Variants in ZNF205 observed in about 807,000 individuals in gnomAD.
ZNF205 encodes zinc finger protein 205.
Under a neutral mutation model 53.6 loss-of-function variants are expected in ZNF205, and 32 were observed. The observed-to-expected ratio is 0.60, with a 90% confidence interval of 0.45 to 0.80. ZNF205 has a LOEUF of 0.80. Among genes scored for constraint, ZNF205 ranks in the 30% least tolerant of loss-of-function variants. The probability of loss-of-function intolerance (pLI) is 0.00; values close to 1 mark genes in which losing one functional copy is unlikely to be tolerated. For synonymous variants in ZNF205, 382 were observed against 334.3 expected, an observed-to-expected ratio of 1.14 and a Z score of -1.56; for missense variants, 836 against 782.4, an observed-to-expected ratio of 1.07 and a Z score of -0.82.
chr16:3,115,244 C>A, intron 2 of ZNF205, 111 bp from the exon 3 acceptor site: 2 of 834,054 alleles, frequency 2.4e-6, no homozygotes, highest in Non-Finnish European at 3.4e-6. Flanking sequence ...CAAGGACAGT[C>A]CTTCAAGCTG....
In ZNF205 at chr16:3,116,410, G is replaced by A. The variant is rs1957346042; in HGVS notation, c.364-17G>A. ...CCACGTCATGTCCTGGAGAGTGGATGTTTCACATTGTTTCAGATGCCAGTG... is the reference window on the plus strand; with the variant it reads ...CCACGTCATGTCCTGGAGAGTGGATATTTCACATTGTTTCAGATGCCAGTG... On this transcript the variant is annotated splice_polypyrimidine_tract_variant and intron_variant, in intron 4 of 6. Coordinates refer to ENST00000219091, the MANE Select transcript of ZNF205 (RefSeq NM_001042428.2). 6.2e-7 allele frequency: 1 copy of A among 1,613,822 alleles called. No individual in the cohort carries two copies. Among genetic ancestry groups the A allele is most frequent in the Non-Finnish European group, 8.5e-7 (1 of 1,179,964 alleles).
In ZNF205 at chr16:3,112,630, T is replaced by G; in HGVS notation, c.-67T>G. The G allele has an allele frequency of 1.4e-5, 4 of 288,330 alleles. No homozygotes were observed. Among genetic ancestry groups the G allele is most frequent in the Admixed American group, 4.2e-5 (1 of 23,694 alleles). 17.9% of individuals were successfully genotyped at this position (288,330 alleles called of 1,614,324 possible). The stretch of plus-strand genomic sequence containing the variant: ...CCCGTGCAGGCTGTGGAGACTCCCT[T>G]CCCGGGGGAGGGGGCCCCCACTGCC... On this transcript the variant is annotated 5_prime_UTR_variant, in exon 1 of 7. Coordinates refer to ENST00000219091, the MANE Select transcript of ZNF205 (RefSeq NM_001042428.2).
At chr16:3,114,644 G>A (rs1957314713) in intron 2 of ZNF205, among the ~76,000 whole-genome samples, 1 of 152,134 alleles carries the variant, frequency 6.6e-6, no homozygotes, top group Admixed American at 6.5e-5. Flanking sequence ...TTAGTCTCCC[G>A]TGGCTGCTGT....
chr16:3,117,019 C>T (rs1957354697), intron 5 of ZNF205, among the ~76,000 whole-genome samples: 1 of 152,214 alleles, frequency 6.6e-6, no homozygotes, highest in Non-Finnish European at 1.5e-5. Flanking sequence ...TGGTCTCGAT[C>T]TCCTGAACTC....
At position 3,119,580 on chromosome 16, in the gene ZNF205, G is replaced by A. The variant is rs567785669; in HGVS notation, c.920G>A (p.Ser307Asn). Reference sequence around the variant, plus strand: ...CCTGACAGTGAGGTGGGCAGGAAGAGCTACCGGTGCGAGCAGTGCGGCAAG... The same window carrying A: ...CCTGACAGTGAGGTGGGCAGGAAGAACTACCGGTGCGAGCAGTGCGGCAAG... ...LAPDSEVGRKSYRCEQCGKGF... is the reference protein window; with the variant it reads ...LAPDSEVGRKNYRCEQCGKGF... Residue 307 changes from serine (S) to asparagine (N), a missense_variant, in exon 7 of 7, where the codon AGC (serine) becomes AAC (asparagine). Transcript: ENST00000219091. The A allele has an allele frequency of 1.2e-6, 2 of 1,608,650 alleles. No individual in the cohort carries two copies. The highest frequency in any genetic ancestry group is 2.7e-5 in the African/African-American group (2 of 75,020).
rs1402541581 is a variant in ZNF205 at position 3,115,906 on chromosome 16, A to G, written c.349A>G (p.Thr117Ala). 6.2e-7 allele frequency: 1 copy of G among 1,613,678 alleles called. No individual in the cohort carries two copies. Among genetic ancestry groups the G allele is most frequent in the Non-Finnish European group, 8.5e-7 (1 of 1,179,888 alleles). Residue 117 changes from threonine to alanine, a missense_variant, in exon 4 of 7, where the codon ACT becomes GCT. Thr to Ala is a moderately conservative substitution (Grantham distance 58). Coordinates refer to ENST00000219091, the MANE Select transcript of ZNF205 (RefSeq NM_001042428.2). ...RDRQMAAALL[T>A]AWSQMPVTFE... ...CCGGCAGATGGCTGCAGCGCTCCTC[A>G]CTGCCTGGTCCCAGGTGAGTGGCCC...
rs1957415826 is a variant in ZNF205 at position 3,120,481 on chromosome 16, G to T, written c.*156G>T. 3 of 907,654 alleles carry T rather than the reference G, an allele frequency of 3.3e-6. No homozygotes were observed. Among genetic ancestry groups the T allele is most frequent in the South Asian group, 3.6e-5 (2 of 56,010 alleles). 56.2% of individuals were successfully genotyped at this position (907,654 alleles called of 1,614,324 possible). ...ATGGGGGAGGGCGAGGGCGAGAAAG[G>T]GCAGGCACTCTGCGAATTAAAGGCC... is the stretch of plus-strand genomic sequence containing the variant. On this transcript the variant is annotated 3_prime_UTR_variant, in exon 7 of 7. Transcript: ENST00000219091.
intron 3 of ZNF205, 48 bp downstream of exon 3, chr16:3,115,616 G>T (rs1001020560): frequency 1.3e-6 from 2 of 1,529,268 alleles, no homozygotes; most frequent in Non-Finnish European, 8.8e-7. Flanking sequence ...GGCAGCTGTG[G>T]GGAGGTGGAG....
intron 4 of ZNF205, 21 bp from the exon 5 acceptor site, chr16:3,116,406 G>T: frequency 1.2e-6 from 2 of 1,613,732 alleles, no homozygotes; most frequent in South Asian, 1.1e-5. Context: ...CCTGGAGAGT[G>T]GATGTTTCAC....
Position 3,113,476 on chromosome 16 carries a change from A to T in ZNF205, c.46A>T (p.Thr16Ser). Residue 16 changes from threonine (T) to serine (S), a missense_variant, in exon 2 of 7, where the codon ACA (threonine) becomes TCA (serine). Physicochemically the swap from Thr to Ser is moderately conservative, Grantham distance 58 (BLOSUM62 1). Transcript: ENST00000219091. ...CATCCAGGACACCCAGGACAAGGAG[A>T]CACCCCCGGAGGTACAGATGGGGCT... ...GGIQDTQDKE[T>S]PPEVPDRGHP... 1 of 1,613,452 alleles carries T rather than the reference A, an allele frequency of 6.2e-7. No individual in the cohort carries two copies. The highest frequency in any genetic ancestry group is 8.5e-7 in the Non-Finnish European group (1 of 1,179,740).
At position 3,119,008 on chromosome 16, in the gene ZNF205, G is replaced by A. The variant is rs369900077; in HGVS notation, c.588G>A (p.Ala196=). 170 of 1,613,256 alleles carry A rather than the reference G, an allele frequency of 1.1e-4. 1 individual carries two copies. In the South Asian group the frequency reaches 1.2e-3, roughly 11 times the overall value. The change falls in exon 6 of 7, where the codon GCG becomes GCA. Residue 196 remains alanine, a synonymous_variant. Transcript: ENST00000219091. ...GAGATGAGAAGGAGTGGAGAGGCGC[G>A]TGCACAGGTGAGGGACGGGCGCGCG... ...QAGDEKEWRG[A]CTGAVEVGQR...
chr16:3,120,137 G>C lies in ZNF205; in HGVS notation c.1477G>C (p.Ala493Pro). 1 of 1,612,136 alleles carries C rather than the reference G, an allele frequency of 6.2e-7. No individual in the cohort carries two copies. Among genetic ancestry groups the C allele is most frequent in the Non-Finnish European group, 8.5e-7 (1 of 1,179,204 alleles). The change falls in exon 7 of 7, where the codon GCG (alanine) becomes CCG (proline). Residue 493 changes from alanine to proline, a missense_variant. By Grantham distance (27) the Ala-to-Pro change is conservative. Coordinates refer to ENST00000219091, the MANE Select transcript of ZNF205 (RefSeq NM_001042428.2). ...KSFSHSSHLT[A>P]HQRTHRGVRP... ...CTTCAGCCACAGCTCGCACCTCACC[G>C]CGCACCAGCGCACCCACCGTGGCGT...
chr16:3,118,632 C>T (rs1001060113), intron 5 of ZNF205, among the ~76,000 whole-genome samples: 40 of 152,280 alleles, frequency 2.6e-4, no homozygotes, highest in African/African-American at 2.4e-5. Flanking sequence ...GCGGGATACC[C>T]GTCCCGTGGG....
intron 2 of ZNF205, 34 bp from the exon 3 acceptor site, chr16:3,115,321 C>CGTA: frequency 6.7e-7 from 1 of 1,486,206 alleles, no homozygotes. Flanking sequence ...GTCTCTCCCA[C>CGTA]TCATCTGGGT....
intron 4 of ZNF205, 21 bp downstream of exon 4, chr16:3,115,941 C>T: frequency 3.1e-6 from 5 of 1,607,174 alleles, no homozygotes; most frequent in Non-Finnish European, 4.3e-6. Context: ...CTTCCCCGGC[C>T]CCTGCATGGT....
Position 3,119,547 on chromosome 16 carries a change from G to T in ZNF205, c.887G>T (p.Gly296Val). 1.2e-6 allele frequency: 2 copies of T among 1,607,510 alleles called. No individual in the cohort carries two copies. The highest frequency in any genetic ancestry group is 8.5e-7 in the Non-Finnish European group (1 of 1,177,562). ...EKGAPESGEE[G>V]LAPDSEVGRK... ...GGCGCCCCGGAGAGTGGCGAGGAGG[G>T]CCTGGCCCCTGACAGTGAGGTGGGC... is the stretch of plus-strand genomic sequence containing the variant. The change falls in exon 7 of 7, where the codon GGC (glycine) becomes GTC (valine). Residue 296 changes from glycine (G) to valine (V), a missense_variant. Gly to Val is a moderately radical substitution (Grantham distance 109). Coordinates refer to ENST00000219091, the MANE Select transcript of ZNF205 (RefSeq NM_001042428.2).
At position 3,120,448 on chromosome 16, in the gene ZNF205, G is replaced by A; in HGVS notation, c.*123G>A. On this transcript the variant is annotated 3_prime_UTR_variant, in exon 7 of 7. Coordinates refer to ENST00000219091, the MANE Select transcript of ZNF205 (RefSeq NM_001042428.2). ...TGGGGCGGTGAGGGCATGGGGTGAG[G>A]CATGGCGATGGGGGAGGGCGAGGGC... 1.7e-6 allele frequency: 2 copies of A among 1,175,734 alleles called. No homozygotes were observed. The highest frequency in any genetic ancestry group is 1.6e-5 in the South Asian group (1 of 61,978). 72.8% of individuals were successfully genotyped at this position (1,175,734 alleles called of 1,614,324 possible).
chr16:3,118,802 A>T (rs1305601063), intron 5 of ZNF205, 103 bp from the exon 6 acceptor site: 3 of 1,265,586 alleles, frequency 2.4e-6, no homozygotes, highest in Non-Finnish European at 3.3e-6. Flanking sequence ...CCCTGTTTCC[A>T]GAGCCTCACC....
intron 1 of ZNF205, 119 bp from the exon 2 acceptor site, chr16:3,113,298 C>G: frequency 1.1e-6 from 1 of 882,044 alleles, no homozygotes; most frequent in Non-Finnish European, 1.8e-6. Context: ...ATTTTCAGGG[C>G]TCTTTGGGGG....
Sources: allele counts gnomAD v4.1 joint callset (sites outside exome capture counted in the v4.1 genomes callset), GRCh38; gene constraint gnomAD v4.1.1; transcripts MANE v1.5; gene names NCBI Gene and HGNC (gene_info 2026-07-23, HGNC 2026-07-21).